Variants in HCK observed in about 807,000 individuals in gnomAD.
The protein encoded by HCK is HCK proto-oncogene, Src family tyrosine kinase, also known as tyrosine-protein kinase HCK.
A neutral mutation model predicts 70.4 loss-of-function variants in HCK; 40 were observed. That is an observed-to-expected ratio of 0.57 (90% CI 0.44 to 0.74). HCK has a LOEUF of 0.74. HCK is among the 30% of genes least tolerant of loss of function. The pLI, the probability that HCK is intolerant of heterozygous loss-of-function variation, is 0.00. For missense variants in HCK, 568 were observed against 697.2 expected (o/e 0.81, Z 2.09); for synonymous variants, 245 against 263.2 (o/e 0.93, Z 0.67).
intron 1 of HCK, 52 bp downstream of exon 1, chr20:32,052,538 GGAGGCGGAGGGA>G: frequency 8.3e-7 from 1 of 1,200,910 alleles, no homozygotes; most frequent in Non-Finnish European, 1.1e-6. Context: ...AGGGGTCCCA[GGAGGCGGAGGGA>G]GCCCAGGAGC....
chr20:32,059,547 G>A (rs958996620), intron 1 of HCK, among the ~76,000 whole-genome samples: 4 of 141,396 alleles, frequency 2.8e-5, no homozygotes, highest in South Asian at 2.2e-4. Flanking sequence ...ACAGGGTCTC[G>A]CTCTGTCTCC....
chr20:32,084,779 C>T (rs2045760221), intron 8 of HCK, among the ~76,000 whole-genome samples: 1 of 152,212 alleles, frequency 6.6e-6, no homozygotes, highest in Non-Finnish European at 1.5e-5. Flanking sequence ...TTCTGGGAAG[C>T]AGGTGTCATG....
intron 2 of HCK, 57 bp downstream of exon 2, chr20:32,071,839 C>T: frequency 2.5e-6 from 4 of 1,581,820 alleles, no homozygotes; most frequent in Non-Finnish European, 3.4e-6. Flanking sequence ...CCCAACATTG[C>T]CCTAACAGCC....
chr20:32,052,614 T>G, intron 1 of HCK, 128 bp downstream of exon 1: 1 of 633,754 alleles, frequency 1.6e-6, no homozygotes, highest in Non-Finnish European at 2.3e-6. Flanking sequence ...AGACGGAACG[T>G]CGGGGGAGCC....
intron 9 of HCK, 67 bp downstream of exon 9, chr20:32,086,874 G>T: frequency 4.9e-6 from 7 of 1,429,710 alleles, no homozygotes; most frequent in Non-Finnish European, 6.5e-6. Context: ...CCCAAGGGTG[G>T]CTTGGACATG....
chr20:32,080,779 C>T (rs1293390679), intron 6 of HCK, among the ~76,000 whole-genome samples: 2 of 152,070 alleles, frequency 1.3e-5, no homozygotes, highest in African/African-American at 4.8e-5. Flanking sequence ...TCCAAAGTGT[C>T]AGGACTACAA....
At chr20:32,058,878 C>T (rs1408852273) in intron 1 of HCK, among the ~76,000 whole-genome samples, 6 of 152,192 alleles carry the variant, frequency 3.9e-5, no homozygotes, top group Admixed American at 3.3e-4. Context: ...CAGGGTAGAA[C>T]AGGCTTGAGA....
chr20:32,069,777 C>CT, intron 1 of HCK: 1 of 1,273,350 alleles, frequency 7.9e-7, no homozygotes, highest in Non-Finnish European at 1.0e-6. Flanking sequence ...TAAAAGGAAT[C>CT]TTTTTTCATT....
chr20:32,101,438 G>A lies in HCK; in HGVS notation c.1500G>A (p.Glu500=), dbSNP rs763611293. 3 of 1,614,174 alleles carry A rather than the reference G, an allele frequency of 1.9e-6. No homozygotes were observed. Among genetic ancestry groups the A allele is most frequent in the South Asian group, 2.2e-5 (2 of 91,078 alleles). ...GCTGCTGGAAAAACCGTCCGGAGGA[G>A]CGGCCGACCTTCGAATACATCCAGA... Residue 500 remains glutamate (E), a synonymous_variant, in exon 13 of 13, where the codon GAG becomes GAA. Coordinates refer to ENST00000375852, the MANE Select transcript of HCK (RefSeq NM_002110.5).
chr20:32,098,922 C>T, intron 11 of HCK, 82 bp from the exon 12 acceptor site: 1 of 1,496,498 alleles, frequency 6.7e-7, no homozygotes, highest in Non-Finnish European at 9.2e-7. Context: ...CAGCTCTTGC[C>T]CTTGCCTGTT....
intron 1 of HCK, among the ~76,000 whole-genome samples, chr20:32,066,331 T>TTTTTTTTA (rs60044994): frequency 1.2e-5 from 1 of 81,878 alleles, no homozygotes; most frequent in Non-Finnish European, 2.3e-5. Flanking sequence ...TTTTTTTTTT[T>TTTTTTTTA]GACAGAGTCT....
chr20:32,094,153 T>A, intron 11 of HCK, 137 bp downstream of exon 11: 1 of 770,432 alleles, frequency 1.3e-6, no homozygotes, highest in South Asian at 1.8e-5. Flanking sequence ...GCTTGGTGGA[T>A]CCTTCTGGAT....
intron 1 of HCK, among the ~76,000 whole-genome samples, chr20:32,060,710 T>A (rs1448058435): frequency 6.6e-6 from 1 of 152,200 alleles, no homozygotes; most frequent in Non-Finnish European, 1.5e-5. Context: ...CTTTTCTTTT[T>A]CATACTTAAC....
intron 11 of HCK, among the ~76,000 whole-genome samples, chr20:32,094,811 AAGAAAGAAAGAAAGAAAG>A (rs1393969461): frequency 8.2e-6 from 1 of 121,934 alleles, no homozygotes; most frequent in Non-Finnish European, 1.8e-5. Context: ...GAAAGAAAGA[AAGAAAGAAAGAAAGAAAG>A]AAAGAAAGAA....
chr20:32,101,812 T>C lies in HCK; in HGVS notation c.*293T>C, dbSNP rs1255211051. The C allele has an allele frequency of 3.2e-6, 1 of 307,988 alleles. No homozygotes were observed. 19.1% of individuals were successfully genotyped at this position (307,988 alleles called of 1,614,324 possible). Reference sequence around the variant, plus strand: ...AAGGGAAACTTTCAAAATAGTGAAATGAATATTTAAATAAAAGATATAAAT... The same window carrying C: ...AAGGGAAACTTTCAAAATAGTGAAACGAATATTTAAATAAAAGATATAAAT... On this transcript the variant is annotated 3_prime_UTR_variant, in exon 13 of 13. Coordinates refer to ENST00000375852, the MANE Select transcript of HCK (RefSeq NM_002110.5).
intron 8 of HCK, 130 bp downstream of exon 8, chr20:32,084,673 C>T (rs2045758620): frequency 1.2e-6 from 1 of 815,612 alleles, no homozygotes; most frequent in Non-Finnish European, 1.9e-6. Flanking sequence ...AAATAATAGC[C>T]ATAAAGAAGC....
chr20:32,076,707 G>A (rs769679228), intron 5 of HCK, among the ~76,000 whole-genome samples: 41 of 152,156 alleles, frequency 2.7e-4, no homozygotes, highest in Admixed American at 1.6e-3. Flanking sequence ...GTCAGATTCC[G>A]AATGTGCATT....
In HCK at chr20:32,083,983, T is replaced by C. The variant is rs745669661; in HGVS notation, c.622T>C (p.Phe208Leu). Residue 208 changes from phenylalanine to leucine, a missense_variant, in exon 7 of 13, where the codon TTC becomes CTC. Phe to Leu is a conservative substitution (Grantham distance 22, BLOSUM62 0). This residue lies in a region of HCK where 318 missense variants were observed against 336.0 expected (regional missense o/e 0.95). Transcript: ENST00000375852. ...GATCCGGACCCTGGACAACGGGGGC[T>C]TCTACATATCCCCCCGAAGCACCTT... 4 of 1,614,004 alleles carry C rather than the reference T, an allele frequency of 2.5e-6. No individual in the cohort carries two copies. The highest frequency in any genetic ancestry group is 3.4e-6 in the Non-Finnish European group (4 of 1,180,004).
In HCK at chr20:32,086,782, C is replaced by T; in HGVS notation, c.990C>T (p.Tyr330=). 6.3e-7 allele frequency: 1 copy of T among 1,591,006 alleles called. No individual in the cohort carries two copies. Among genetic ancestry groups the T allele is most frequent in the East Asian group, 2.3e-5 (1 of 44,344 alleles). The change falls in exon 9 of 13, where the codon TAC becomes TAT. Residue 330 remains tyrosine (Y), a synonymous_variant. Coordinates refer to ENST00000375852, the MANE Select transcript of HCK (RefSeq NM_002110.5). Reference sequence around the variant, plus strand: ...CGGTGGTCACCAAGGAGCCCATCTACATCATCACGGAGTTCATGGCCAAAG... The same window carrying T: ...CGGTGGTCACCAAGGAGCCCATCTATATCATCACGGAGTTCATGGCCAAAG...
Sources: gnomAD v4.1 joint callset for allele counts (sites outside exome capture counted in the v4.1 genomes callset) on GRCh38, gnomAD v4.1.1 for gene constraint, gnomAD v4.1.1 regional missense constraint, MANE v1.5 for transcripts, NCBI Gene and HGNC (gene_info 2026-07-23, HGNC 2026-07-21) for gene names.